FGGY: variants seen among roughly 807,000 people sequenced by gnomAD.
The protein encoded by FGGY is FGGY carbohydrate kinase domain containing.
In FGGY, 72 loss-of-function variants were observed where a neutral mutation model predicts 71.3. The observed-to-expected ratio is 1.01, with a 90% CI of 0.84 to 1.23. FGGY has a LOEUF of 1.23. FGGY is among the 50% of genes most tolerant of loss of function. FGGY has a pLI of 0.00. For missense variants in FGGY, 668 were observed against 682.3 expected, an observed-to-expected ratio of 0.98 and a Z score of 0.23; for synonymous variants, 251 against 250.3, an observed-to-expected ratio of 1.00 and a Z score of -0.02.
At chr1:59,693,417 C>G (rs2097613112) in intron 14 of FGGY, among the ~76,000 whole-genome samples, 1 of 152,228 alleles carries the variant, frequency 6.6e-6, no homozygotes, top group Non-Finnish European at 1.5e-5. Context: ...GTGGCACTGG[C>G]ACCTCCCTCA....
At chr1:59,483,577 C>T (rs970852128) in intron 6 of FGGY, among the ~76,000 whole-genome samples, 4 of 151,974 alleles carry the variant, frequency 2.6e-5, no homozygotes, top group Non-Finnish European at 2.9e-5. Context: ...GTATCTAGTT[C>T]GATTCTGTTC....
intron 7 of FGGY, among the ~76,000 whole-genome samples, chr1:59,527,913 ATTAC>A (rs1417453859): frequency 6.6e-6 from 1 of 152,132 alleles, no homozygotes; most frequent in Non-Finnish European, 1.5e-5. Flanking sequence ...TTCCATTCTT[ATTAC>A]TTCTTGCAGC....
At chr1:59,726,077 G>A (rs1310734840) in intron 14 of FGGY, among the ~76,000 whole-genome samples, 3 of 151,894 alleles carry the variant, frequency 2.0e-5, no homozygotes, top group Non-Finnish European at 2.9e-5. Flanking sequence ...ATCGAGGTGA[G>A]GAAAATCCCC....
In FGGY at chr1:59,434,584, C is replaced by T. The variant is rs74859496; in HGVS notation, c.555-22377C>T. ...CATAGACTGGGTGGCTTATAAACAACGGAAATTATTTCTCACTGTTCTGGA... is the reference window on the plus strand; with the variant it reads ...CATAGACTGGGTGGCTTATAAACAATGGAAATTATTTCTCACTGTTCTGGA... On this transcript the variant is annotated intron_variant, in intron 5 of 15. Coordinates refer to ENST00000303721, the MANE Select transcript of FGGY (RefSeq NM_018291.5). Among the ~76,000 whole-genome samples the T allele has an allele frequency of 7.0e-3, 1,066 of 152,274 alleles. 16 individuals are homozygous for T. Among genetic ancestry groups the T allele is most frequent in the African/African-American group, 0.024 (1,017 of 41,564 alleles).
intron 8 of FGGY, among the ~76,000 whole-genome samples, chr1:59,554,879 C>T (rs182532051): frequency 1.3e-5 from 2 of 152,146 alleles, no homozygotes; most frequent in Admixed American, 6.5e-5. Flanking sequence ...AAAGTCATTA[C>T]TCTGTTAAAC....
At chr1:59,361,491 G>A (rs2055509099) in intron 4 of FGGY, among the ~76,000 whole-genome samples, 3 of 152,218 alleles carry the variant, frequency 2.0e-5, no homozygotes, top group African/African-American at 7.2e-5. Flanking sequence ...AGCTAGTCTG[G>A]TGGCAGTCTG....
intron 7 of FGGY, among the ~76,000 whole-genome samples, chr1:59,547,070 A>T (rs1234092259): frequency 6.7e-6 from 1 of 148,846 alleles, no homozygotes; most frequent in African/African-American, 2.5e-5. Context: ...CTCCTGCCTC[A>T]GCCCCCTGAG....
At chr1:59,467,365 G>T (rs1032021134) in intron 6 of FGGY, among the ~76,000 whole-genome samples, 1 of 151,992 alleles carries the variant, frequency 6.6e-6, no homozygotes, top group African/African-American at 2.4e-5. Context: ...GGGGAATGGG[G>T]GAGGGATAGC....
intron 8 of FGGY, among the ~76,000 whole-genome samples, chr1:59,559,829 T>G (rs2095756657): frequency 6.6e-6 from 1 of 152,128 alleles, no homozygotes; most frequent in Non-Finnish European, 1.5e-5. Flanking sequence ...TAACTCAAAG[T>G]ATAACATAAA....
At chr1:59,506,637 A>C (rs556209598) in intron 6 of FGGY, among the ~76,000 whole-genome samples, 6 of 152,318 alleles carry the variant, frequency 3.9e-5, no homozygotes, top group African/African-American at 1.4e-4. Context: ...TGTCTCTCCT[A>C]AAAATACAAA....
At chr1:59,750,622 A>G (rs769385746) in intron 14 of FGGY, among the ~76,000 whole-genome samples, 12 of 152,310 alleles carry the variant, frequency 7.9e-5, no homozygotes, top group South Asian at 2.1e-4. Context: ...CTGCTTCTCA[A>G]TTGATATTTT....
At chr1:59,636,887 T>C (rs946022448) in intron 10 of FGGY, among the ~76,000 whole-genome samples, 1 of 152,220 alleles carries the variant, frequency 6.6e-6, no homozygotes, top group Non-Finnish European at 1.5e-5. Flanking sequence ...TTAACCTCCT[T>C]TGGATATTGA....
chr1:59,484,282 C>T (rs147924722), intron 6 of FGGY, among the ~76,000 whole-genome samples: 24 of 152,254 alleles, frequency 1.6e-4, no homozygotes, highest in African/African-American at 5.5e-4. Flanking sequence ...CATTTGGCTT[C>T]CTGGTTTTCT....
intron 14 of FGGY, among the ~76,000 whole-genome samples, chr1:59,712,777 G>A (rs2097804920): frequency 6.6e-6 from 1 of 152,142 alleles, no homozygotes; most frequent in African/African-American, 2.4e-5. Flanking sequence ...TTCCTCTTAG[G>A]CCTCCAGGCT....
chr1:59,751,672 G>A (rs1317752368), intron 14 of FGGY, among the ~76,000 whole-genome samples: 1 of 152,028 alleles, frequency 6.6e-6, no homozygotes, highest in Non-Finnish European at 1.5e-5. Flanking sequence ...GAAATCTAAG[G>A]CAATCTTCTT....
chr1:59,411,245 T>C (rs1413450855), intron 5 of FGGY, among the ~76,000 whole-genome samples: 1 of 152,260 alleles, frequency 6.6e-6, no homozygotes, highest in Admixed American at 6.5e-5. Context: ...TGGGTTGGTC[T>C]GATGTTTCCA....
rs116861015 is a variant in FGGY, at chr1:59,303,918, G to A, written c.-15+6768G>A. On this transcript the variant is annotated intron_variant, in intron 1 of 15. Transcript: ENST00000303721. ...CATCTTTGGGAAAATGTCTATTCGA[G>A]TTCTTTGCCCATTAAAAAAAATTAA... Among the ~76,000 whole-genome samples, 43 of 151,898 alleles carry A rather than the reference G, an allele frequency of 2.8e-4. No homozygotes were observed. In the East Asian group the frequency reaches 7.5e-3, roughly 27 times the overall value.
chr1:59,683,391 G>A (rs1573132120), intron 14 of FGGY, among the ~76,000 whole-genome samples: 1 of 152,158 alleles, frequency 6.6e-6, no homozygotes, highest in African/African-American at 2.4e-5. Context: ...ATAAAGCAGG[G>A]TTGTTGGGGG....
Position 59,461,138 on chromosome 1 carries a change from A to G in FGGY, c.670+4062A>G, listed in dbSNP as rs141315935. ...AAACTTCTCCGAGCTAAAGGAGGAT[A>G]TTCAACCCCATCGCAAGGAAGCTAA... On this transcript the variant is annotated intron_variant, in intron 6 of 15. Transcript: ENST00000303721. 2.1e-4 allele frequency among the ~76,000 whole-genome samples: 32 copies of G among 152,338 alleles called. No individual in the cohort carries two copies. In the East Asian group the frequency reaches 5.4e-3, roughly 26 times the overall value.
Sources: gnomAD v4.1 joint callset for allele counts (sites outside exome capture counted in the v4.1 genomes callset) on GRCh38, gnomAD v4.1.1 for gene constraint, MANE v1.5 for transcripts, NCBI Gene and HGNC (gene_info 2026-07-23, HGNC 2026-07-21) for gene names.